The following CDK14 variants were observed in gnomAD, a reference collection of about 807,000 sequenced individuals.
CDK14 encodes cyclin dependent kinase 14.
CDK14 carries 34 observed loss-of-function variants against 60.7 expected under a neutral mutation model. That is an observed-to-expected ratio of 0.56 (90% CI 0.43 to 0.75). CDK14 has a LOEUF of 0.75. Ranked by LOEUF, CDK14 falls within the 30% of genes least tolerant of loss-of-function variation. The pLI is 0.00. For missense variants in CDK14, 482 were observed against 564.1 expected (o/e 0.85, Z 1.47); for synonymous variants, 197 against 203.7 (o/e 0.97, Z 0.28).
At chr7:91,062,940 A>G (rs1050609941) in intron 11 of CDK14, among the ~76,000 whole-genome samples, 2 of 152,204 alleles carry the variant, frequency 1.3e-5, no homozygotes, top group Non-Finnish European at 1.5e-5. Context: ...CAACTATGGA[A>G]GAATGTCCTT....
intron 8 of CDK14, among the ~76,000 whole-genome samples, chr7:90,951,890 G>A (rs1180005594): frequency 6.6e-6 from 1 of 152,134 alleles, no homozygotes; most frequent in Non-Finnish European, 1.5e-5. Context: ...GAAGCCCAAA[G>A]ACAAGTATAA....
At chr7:91,148,203 C>T (rs865904494) in intron 14 of CDK14, among the ~76,000 whole-genome samples, 1 of 152,006 alleles carries the variant, frequency 6.6e-6, no homozygotes, top group African/African-American at 2.4e-5. Flanking sequence ...GTTAGAGAGA[C>T]CCCATCTCTA....
intron 2 of CDK14, among the ~76,000 whole-genome samples, chr7:90,613,003 A>G (rs977970119): frequency 1.3e-5 from 2 of 152,160 alleles, no homozygotes; most frequent in Non-Finnish European, 2.9e-5. Flanking sequence ...TTGGAAATTT[A>G]GTTTTAATTT....
At chr7:90,941,907 G>A (rs1793948809) in intron 8 of CDK14, among the ~76,000 whole-genome samples, 1 of 152,214 alleles carries the variant, frequency 6.6e-6, no homozygotes, top group Non-Finnish European at 1.5e-5. Context: ...CCTCCCTGGT[G>A]TCTTCCACTG....
intron 5 of CDK14, among the ~76,000 whole-genome samples, chr7:90,854,887 C>T (rs948375894): frequency 1.3e-5 from 2 of 152,162 alleles, no homozygotes; most frequent in South Asian, 2.1e-4. Context: ...GGATTATAAT[C>T]AACACCATTC....
At chr7:90,616,541 G>T (rs934038588) in intron 2 of CDK14, among the ~76,000 whole-genome samples, 1 of 152,142 alleles carries the variant, frequency 6.6e-6, no homozygotes, top group South Asian at 2.1e-4. Flanking sequence ...GGGTTCAGGT[G>T]TGCAAAAGGC....
chr7:91,122,908 C>T (rs1799824556), intron 14 of CDK14, among the ~76,000 whole-genome samples: 2 of 152,162 alleles, frequency 1.3e-5, no homozygotes, highest in African/African-American at 2.4e-5. Context: ...AGCCCTGATC[C>T]AGTCAGCTGG....
At chr7:91,003,781 A>G (rs1795905896) in intron 10 of CDK14, among the ~76,000 whole-genome samples, 1 of 152,208 alleles carries the variant, frequency 6.6e-6, no homozygotes, top group South Asian at 2.1e-4. Context: ...TAGCTGGGTC[A>G]CTGGGTGTTC....
chr7:90,845,029 C>G (rs1331825919), intron 5 of CDK14, among the ~76,000 whole-genome samples: 3 of 152,182 alleles, frequency 2.0e-5, no homozygotes, highest in Admixed American at 1.3e-4. Context: ...TTGCCACACT[C>G]TAACAAAATA....
intron 14 of CDK14, among the ~76,000 whole-genome samples, chr7:91,201,087 C>T (rs553065402): frequency 1.3e-5 from 2 of 152,132 alleles, no homozygotes; most frequent in Non-Finnish European, 2.9e-5. Context: ...TCTTTAAATG[C>T]CTCCTTATGT....
At chr7:90,876,691 A>AGAAT (rs1483315414) in intron 6 of CDK14, among the ~76,000 whole-genome samples, 18 of 152,344 alleles carry the variant, frequency 1.2e-4, no homozygotes, top group Middle Eastern at 3.4e-3. Context: ...GGAATTCAGG[A>AGAAT]GAATACAAGG....
At chr7:90,665,884 T>C (rs771611078) in intron 2 of CDK14, among the ~76,000 whole-genome samples, 5 of 152,200 alleles carry the variant, frequency 3.3e-5, no homozygotes, top group Non-Finnish European at 5.9e-5. Flanking sequence ...ACACAGGACT[T>C]ATCTCGATAA....
chr7:90,712,826 C>T (rs755320465), intron 2 of CDK14, among the ~76,000 whole-genome samples: 2 of 152,016 alleles, frequency 1.3e-5, no homozygotes, highest in Non-Finnish European at 2.9e-5. Context: ...ACTTGTGTCT[C>T]CTTTCTCTAT....
chr7:90,892,030 G>A (rs750775346), intron 6 of CDK14, among the ~76,000 whole-genome samples: 5 of 152,176 alleles, frequency 3.3e-5, no homozygotes, highest in Non-Finnish European at 7.4e-5. Context: ...ACTGAAAGAG[G>A]AAGCCTATTA....
At chr7:90,880,538 G>T (rs539396477) in intron 6 of CDK14, among the ~76,000 whole-genome samples, 1 of 152,258 alleles carries the variant, frequency 6.6e-6, no homozygotes, top group South Asian at 2.1e-4. Context: ...CAGCCCAGAT[G>T]AGTGGGTTTC....
chr7:91,035,429 T>C (rs898667810), intron 10 of CDK14, among the ~76,000 whole-genome samples: 8 of 152,230 alleles, frequency 5.3e-5, no homozygotes, highest in Non-Finnish European at 1.2e-4. Flanking sequence ...TTTACCCCAT[T>C]GGTCCTTGTT....
chr7:91,045,774 A>T (rs1053067605), intron 10 of CDK14, 123 bp from the exon 11 acceptor site: 12 of 611,674 alleles, frequency 2.0e-5, no homozygotes, highest in African/African-American at 1.8e-4. Context: ...TCTCTGGCAT[A>T]CGATAATGGA....
At chr7:90,846,022 T>TA (rs1790460740) in intron 5 of CDK14, among the ~76,000 whole-genome samples, 1 of 152,124 alleles carries the variant, frequency 6.6e-6, no homozygotes, top group African/African-American at 2.4e-5. Flanking sequence ...AAATAATAAT[T>TA]AAACTCCATA....
intron 2 of CDK14, among the ~76,000 whole-genome samples, chr7:90,706,317 G>C (rs777141836): frequency 6.6e-6 from 1 of 152,124 alleles, no homozygotes; most frequent in Admixed American, 6.6e-5. Flanking sequence ...CTACATGCTT[G>C]TTGAGACTAT....
Sources: gnomAD v4.1 joint callset for allele counts (sites outside exome capture counted in the v4.1 genomes callset) on GRCh38, gnomAD v4.1.1 for gene constraint, MANE v1.5 for transcripts, NCBI Gene and HGNC (gene_info 2026-07-23, HGNC 2026-07-21) for gene names.